Variants in MDFIC observed in about 807,000 individuals in gnomAD.
MDFIC encodes the protein myoD family inhibitor domain-containing protein.
In MDFIC, 17 loss-of-function variants were observed where a neutral mutation model predicts 23.2. That is an observed-to-expected ratio of 0.73 (90% confidence interval 0.50 to 1.10). The LOEUF is 1.10. Among genes scored for constraint, MDFIC ranks in the 50% least tolerant of loss-of-function variants. The pLI is 0.00. For synonymous variants in MDFIC, 120 were observed against 115.2 expected, an observed-to-expected ratio of 1.04 and a Z score of -0.27; for missense variants, 356 against 316.6, an observed-to-expected ratio of 1.12 and a Z score of -0.95.
chr7:114,967,140 G>A (rs1793114456), intron 3 of MDFIC, among the ~76,000 whole-genome samples: 1 of 152,084 alleles, frequency 6.6e-6, no homozygotes, highest in South Asian at 2.1e-4. Flanking sequence ...CTGAACATTT[G>A]CATCTTTCTT....
intron 2 of MDFIC, among the ~76,000 whole-genome samples, chr7:114,939,548 CCA>C (rs1792497839): frequency 1.3e-5 from 2 of 152,076 alleles, no homozygotes; most frequent in Admixed American, 1.3e-4. Context: ...GATAAATTGT[CCA>C]TTAATAACAA....
intron 2 of MDFIC, among the ~76,000 whole-genome samples, chr7:114,928,254 A>G (rs777971289): frequency 6.6e-6 from 1 of 152,146 alleles, no homozygotes; most frequent in Admixed American, 6.5e-5. Context: ...TAAAGAAGAT[A>G]TATCTGTAAA....
At chr7:114,939,907 A>G (rs549814275) in intron 2 of MDFIC, among the ~76,000 whole-genome samples, 1 of 152,360 alleles carries the variant, frequency 6.6e-6, no homozygotes, top group East Asian at 1.9e-4. Context: ...GGCGGCAGTC[A>G]GCTACATAAC....
At chr7:114,951,664 T>C (rs531053954) in intron 3 of MDFIC, among the ~76,000 whole-genome samples, 2 of 152,252 alleles carry the variant, frequency 1.3e-5, no homozygotes, top group South Asian at 2.1e-4. Context: ...TTCTGTGTTT[T>C]TTTTTCCCAT....
At position 114,922,427 on chromosome 7, in the gene MDFIC, T is replaced by A. The variant is rs906661709; in HGVS notation, c.-317T>A. The A allele has an allele frequency of 7.1e-5, 88 of 1,240,054 alleles. No homozygotes were observed. The highest frequency in any genetic ancestry group is 8.4e-5 in the Non-Finnish European group (83 of 988,788). 76.8% of individuals were successfully genotyped at this position (1,240,054 alleles called of 1,614,324 possible). A position where few individuals can be genotyped will look rare whatever the true frequency, so the allele number is the denominator to read the frequency against. ...GAAAGAGGGGGCGGAGTGCGCGGAG[T>A]CAGAGCCGCCACCGCTGCCGCAGTT... On this transcript the variant is annotated 5_prime_UTR_variant, in exon 1 of 5. Transcript: ENST00000393486.
intron 4 of MDFIC, among the ~76,000 whole-genome samples, chr7:114,985,644 C>G (rs975412302): frequency 4.0e-5 from 6 of 151,836 alleles, no homozygotes; most frequent in Non-Finnish European, 8.8e-5. Flanking sequence ...CTCTCACCAC[C>G]TCCCTCTCTG....
intron 2 of MDFIC, among the ~76,000 whole-genome samples, chr7:114,924,822 A>C (rs527816170): frequency 1.3e-5 from 2 of 152,348 alleles, no homozygotes; most frequent in African/African-American, 4.8e-5. Flanking sequence ...CAGATGTCAT[A>C]AGGTGTATTT....
intron 2 of MDFIC, among the ~76,000 whole-genome samples, chr7:114,925,748 G>A (rs1792178531): frequency 6.6e-6 from 1 of 152,104 alleles, no homozygotes; most frequent in African/African-American, 2.4e-5. Context: ...AAGTGATACT[G>A]GAAATCCAGA....
At position 115,012,379 on chromosome 7, in the gene MDFIC, G is replaced by A. The variant is rs76044120; in HGVS notation, c.494-3309G>A. Among the ~76,000 whole-genome samples the A allele has an allele frequency of 3.4e-3, 525 of 152,236 alleles. 6 individuals carry two copies. The highest frequency in any genetic ancestry group is 0.012 in the African/African-American group (496 of 41,556). On this transcript the variant is annotated intron_variant, in intron 4 of 4. Coordinates refer to ENST00000393486, the MANE Select transcript of MDFIC (RefSeq NM_001166345.3). ...GAAAGGCAAAATAAAACCACCATGA[G>A]ACGCCATTTCACACACAACTTGCAC...
At chr7:114,973,614 C>G (rs1242134226) in intron 3 of MDFIC, among the ~76,000 whole-genome samples, 1 of 152,122 alleles carries the variant, frequency 6.6e-6, no homozygotes, top group Non-Finnish European at 1.5e-5. Flanking sequence ...AATCTAAGTA[C>G]TCTCTAAATG....
chr7:115,001,610 C>G (rs890832773), intron 4 of MDFIC, among the ~76,000 whole-genome samples: 1 of 152,142 alleles, frequency 6.6e-6, no homozygotes, highest in Non-Finnish European at 1.5e-5. Flanking sequence ...GGACATAAAA[C>G]TGAATTGCAT....
chr7:114,998,432 G>A (rs1791388388), intron 4 of MDFIC, among the ~76,000 whole-genome samples: 1 of 152,058 alleles, frequency 6.6e-6, no homozygotes, highest in African/African-American at 2.4e-5. Context: ...GCATTGTTGA[G>A]GGTGGAAGAG....
In MDFIC at chr7:114,979,962, C is replaced by T. The variant is rs1793390111; in HGVS notation, c.493+181C>T. 4 of 720,076 alleles carry T rather than the reference C, an allele frequency of 5.6e-6. No homozygotes were observed. The African/African-American group carries it at 7.1e-5, about 13-fold the overall frequency. The allele number at this position is 720,076 out of a possible 1,614,324, so 44.6% of individuals were successfully genotyped here. On this transcript the variant is annotated intron_variant, in intron 4 of 4. Transcript: ENST00000393486. The stretch of plus-strand genomic sequence containing the variant: ...CACAAGATAGAAAAGGAAGCAGTGG[C>T]AGCTGACATCCTGCTTTTAGATAAT...
chr7:114,937,004 AT>A (rs1376125964), intron 2 of MDFIC, among the ~76,000 whole-genome samples: 1 of 152,082 alleles, frequency 6.6e-6, no homozygotes, highest in Non-Finnish European at 1.5e-5. Context: ...CTAATTTATT[AT>A]TAATGCTCTT....
In MDFIC at chr7:115,015,987, T is replaced by C. The variant is rs1791787422; in HGVS notation, c.*52T>C. 1 of 1,549,694 alleles carries C rather than the reference T, an allele frequency of 6.5e-7. No individual in the cohort carries two copies. Among genetic ancestry groups the C allele is most frequent in the Admixed American group, 1.8e-5 (1 of 54,652 alleles). On this transcript the variant is annotated 3_prime_UTR_variant, in exon 5 of 5. Transcript: ENST00000393486. ...CTGGAGAGTGTTTAAAAATTTCCTT[T>C]TGGGGGGAAGAAAAGCACATTGTAA...
intron 2 of MDFIC, among the ~76,000 whole-genome samples, chr7:114,937,158 A>G (rs891087758): frequency 3.3e-5 from 5 of 152,308 alleles, no homozygotes; most frequent in Middle Eastern, 3.4e-3. Context: ...AATTCTATTT[A>G]CCTGAATATT....
intron 3 of MDFIC, among the ~76,000 whole-genome samples, chr7:114,951,089 G>T (rs1472340303): frequency 1.3e-5 from 2 of 152,208 alleles, no homozygotes; most frequent in Admixed American, 6.5e-5. Flanking sequence ...GGGAGGCTGA[G>T]GTGGGAAGAT....
chr7:115,013,202 GA>G (rs1791715928), intron 4 of MDFIC, among the ~76,000 whole-genome samples: 1 of 152,024 alleles, frequency 6.6e-6, no homozygotes, highest in African/African-American at 2.4e-5. Context: ...GTACTGCTGT[GA>G]AAAATACAAT....
intron 2 of MDFIC, among the ~76,000 whole-genome samples, chr7:114,931,775 C>A (rs909279967): frequency 6.6e-6 from 1 of 152,238 alleles, no homozygotes; most frequent in East Asian, 1.9e-4. Context: ...CTGCTAGTGT[C>A]CATAGTTGAA....
Sources: allele counts gnomAD v4.1 joint callset (sites outside exome capture counted in the v4.1 genomes callset), GRCh38; gene constraint gnomAD v4.1.1; transcripts MANE v1.5; gene names NCBI Gene and HGNC (gene_info 2026-07-23, HGNC 2026-07-21).